TOP1MT: variants seen among roughly 807,000 people sequenced by gnomAD.
The protein encoded by TOP1MT is DNA topoisomerase I mitochondrial, also known as DNA topoisomerase I, mitochondrial.
In TOP1MT, 80 loss-of-function variants were observed where a neutral mutation model predicts 73.9. The observed-to-expected ratio is 1.08, with a 90% CI of 0.90 to 1.30. The LOEUF is 1.30. Among genes scored for constraint, TOP1MT ranks in the 50% most tolerant of loss-of-function variants. The probability of loss-of-function intolerance (pLI) is 0.00; values close to 1 mark genes in which losing one functional copy is unlikely to be tolerated. For missense variants in TOP1MT, 815 were observed against 808.0 expected, an observed-to-expected ratio of 1.01 and a Z score of -0.10; for synonymous variants, 338 against 326.4, an observed-to-expected ratio of 1.04 and a Z score of -0.38.
intron 13 of TOP1MT, 116 bp from the exon 14 acceptor site, chr8:143,309,659 G>T: frequency 6.5e-7 from 1 of 1,536,988 alleles, no homozygotes; most frequent in Non-Finnish European, 8.7e-7. Flanking sequence ...AGAGCCGCCT[G>T]GTGTAGCTGG....
chr8:143,310,156 C>A lies in TOP1MT; in HGVS notation c.1615G>T (p.Val539Leu), dbSNP rs1815969800. The change falls in exon 13 of 14, where the codon GTG becomes TTG. Residue 539 changes from valine (V) to leucine (L), a missense_variant. This residue lies in a region of TOP1MT where 751 missense variants were observed against 725.4 expected (regional missense o/e 1.04). Transcript: ENST00000329245. The stretch of plus-strand genomic sequence containing the variant: ...TTCTCCTCCTTGTCCGTGGCCTGCA[C>A]ACTCAGCTGCGCCAGCTGCTCCTGC... ...KLQEQLAQLS[V>L]QATDKEENKQ... is the part of the protein sequence containing the mutation. 5.6e-6 allele frequency: 9 copies of A among 1,610,886 alleles called. No individual in the cohort carries two copies. Among genetic ancestry groups the A allele is most frequent in the Non-Finnish European group, 7.6e-6 (9 of 1,178,768 alleles).
At chr8:143,317,449 C>G (rs1040493847) in intron 10 of TOP1MT, among the ~76,000 whole-genome samples, 1 of 152,326 alleles carries the variant, frequency 6.6e-6, no homozygotes, top group East Asian at 1.9e-4. Context: ...GGAACACCAC[C>G]AGGCCATGGG....
chr8:143,332,723 T>C (rs992798017), intron 1 of TOP1MT: 2 of 478,702 alleles, frequency 4.2e-6, no homozygotes, highest in Non-Finnish European at 7.3e-6. Flanking sequence ...AGGGAGAAGT[T>C]AACGGGCTCA....
At chr8:143,310,519 G>A (rs1815983549) in intron 12 of TOP1MT, 1 of 282,880 alleles carries the variant, frequency 3.5e-6, no homozygotes, top group South Asian at 1.4e-4. Context: ...ACAGGATGAG[G>A]GCAGCGAGAC....
chr8:143,334,969 G>A (rs1046112819), upstream of TOP1MT: 2 of 1,124,350 alleles, frequency 1.8e-6, no homozygotes, highest in Middle Eastern at 3.5e-4. Context: ...CGCCCCCAGC[G>A]GCGCTCATCC....
chr8:143,359,781 A>G (rs965680712), upstream of TOP1MT: 1 of 152,290 alleles, frequency 6.6e-6, no homozygotes. Context: ...CGTCACCAAC[A>G]GCGCGACCTG....
At chr8:143,331,697 T>A (rs1349563088) in intron 1 of TOP1MT, 1 of 194,290 alleles carries the variant, frequency 5.1e-6, no homozygotes, top group Non-Finnish European at 1.0e-5. Context: ...GTCTAGAATC[T>A]TCGGGAACCT....
chr8:143,322,110 ATG>A (rs1240087429), intron 7 of TOP1MT, among the ~76,000 whole-genome samples: 1 of 94,582 alleles, frequency 1.1e-5, no homozygotes, highest in African/African-American at 3.7e-5. Flanking sequence ...CACGCCACAC[ATG>A]CACGCCACAC....
rs149852014 is a variant in TOP1MT at position 143,329,506 on chromosome 8, C to T, written c.239-35G>A. 6.2e-5 allele frequency: 99 copies of T among 1,588,912 alleles called. 1 individual carries two copies. Among genetic ancestry groups the T allele is most frequent in the Admixed American group, 3.7e-4 (19 of 51,632 alleles). On this transcript the variant is annotated intron_variant, in intron 2 of 13. Coordinates refer to ENST00000329245, the MANE Select transcript of TOP1MT (RefSeq NM_052963.3). ...TCGGAAGACACATCGTATGAGAGAG[C>T]GGCCAGAGGCTCGGCCTCCAGCTGA...
chr8:143,314,034 C>CG (rs1816085086), intron 12 of TOP1MT, among the ~76,000 whole-genome samples: 2 of 152,158 alleles, frequency 1.3e-5, no homozygotes, highest in African/African-American at 4.8e-5. Context: ...AGAGCACCCA[C>CG]GGCCAGACGC....
chr8:143,339,671 T>C (rs540846227), upstream of TOP1MT, among the ~76,000 whole-genome samples: 1 of 152,268 alleles, frequency 6.6e-6, no homozygotes, highest in African/African-American at 2.4e-5. Context: ...AGGCCAGCAC[T>C]GTAGCATTCC....
chr8:143,357,509 G>A (rs187837675), upstream of TOP1MT, among the ~76,000 whole-genome samples: 535 of 151,740 alleles, frequency 3.5e-3, 5 homozygotes, highest in African/African-American at 0.012. Context: ...AAGGCCAGGT[G>A]TGGTGATTCA....
chr8:143,310,002 G>A (rs1563750745), intron 13 of TOP1MT, 66 bp downstream of exon 13: 9 of 1,598,354 alleles, frequency 5.6e-6, no homozygotes, highest in Non-Finnish European at 7.6e-6. Context: ...ACTGAACAGA[G>A]GCCTCCTGGA....
chr8:143,357,641 G>C (rs931346380), upstream of TOP1MT, among the ~76,000 whole-genome samples: 5 of 152,032 alleles, frequency 3.3e-5, no homozygotes, highest in African/African-American at 1.2e-4. Context: ...AAAACATTAG[G>C]CCAAGTGCGG....
At chr8:143,317,621 G>A in intron 10 of TOP1MT, 102 bp downstream of exon 10, 1 of 1,011,978 alleles carries the variant, frequency 9.9e-7, no homozygotes. Flanking sequence ...CAAAGAAGCG[G>A]CCCCACCCCG....
chr8:143,324,400 C>T, intron 6 of TOP1MT, 85 bp downstream of exon 6: 3 of 1,587,720 alleles, frequency 1.9e-6, no homozygotes, highest in Non-Finnish European at 1.7e-6. Flanking sequence ...GAAGCCTCTG[C>T]CGGTGCCCGG....
chr8:143,323,041 ACACAGGCACGC>A (rs2130159096), intron 7 of TOP1MT, among the ~76,000 whole-genome samples: 2 of 94,864 alleles, frequency 2.1e-5, no homozygotes, highest in Non-Finnish European at 2.0e-5. Flanking sequence ...CATGCACGCC[ACACAGGCACGC>A]CACACACAGG....
upstream of TOP1MT, among the ~76,000 whole-genome samples, chr8:143,349,900 T>C (rs1817293207): frequency 1.3e-5 from 2 of 152,080 alleles, no homozygotes; most frequent in Non-Finnish European, 2.9e-5. Flanking sequence ...CTCAGCCTCC[T>C]AAAGTGCTGG....
chr8:143,309,817 C>A, intron 13 of TOP1MT: 1 of 1,533,874 alleles, frequency 6.5e-7, no homozygotes, highest in East Asian at 2.5e-5. Context: ...CTGAGCTCCA[C>A]AGGCCCTCCT....
Sources: gnomAD v4.1 joint callset for allele counts (sites outside exome capture counted in the v4.1 genomes callset) on GRCh38, gnomAD v4.1.1 for gene constraint, gnomAD v4.1.1 regional missense constraint, MANE v1.5 for transcripts, NCBI Gene and HGNC (gene_info 2026-07-23, HGNC 2026-07-21) for gene names.